The following FHIT variants were observed in gnomAD, a reference collection of about 807,000 sequenced individuals.
The protein encoded by FHIT is fragile histidine triad diadenosine triphosphatase.
FHIT carries 19 observed loss-of-function variants against 17.9 expected under a neutral mutation model. That is an observed-to-expected ratio of 1.06 (90% CI 0.74 to 1.56). The LOEUF is 1.56. Ranked by LOEUF, FHIT falls within the 40% of genes most tolerant of loss-of-function variation. The pLI, the probability that FHIT is intolerant of heterozygous loss-of-function variation, is 0.00. For missense variants in FHIT, 248 were observed against 189.2 expected, an observed-to-expected ratio of 1.31 and a Z score of -1.82; for synonymous variants, 81 against 69.7, an observed-to-expected ratio of 1.16 and a Z score of -0.81.
chr3:60,181,115 C>T (rs922512173), intron 5 of FHIT, among the ~76,000 whole-genome samples: 2 of 150,874 alleles, frequency 1.3e-5, no homozygotes, highest in Admixed American at 6.6e-5. Flanking sequence ...TTACTCTCTA[C>T]AATCATTACA....
At chr3:60,574,197 T>C (rs1553656762) in intron 4 of FHIT, among the ~76,000 whole-genome samples, 1 of 152,104 alleles carries the variant, frequency 6.6e-6, no homozygotes, top group African/African-American at 2.4e-5. Context: ...AGCCAGGAGT[T>C]TGGAAGCTTT....
chr3:61,088,881 C>A (rs72877857), intron 2 of FHIT, among the ~76,000 whole-genome samples: 1,556 of 151,980 alleles, frequency 0.01, 18 homozygotes, highest in African/African-American at 0.034. Context: ...TGGAAAAAAC[C>A]GAAATAAGTA....
intron 3 of FHIT, among the ~76,000 whole-genome samples, chr3:60,929,078 C>T (rs1406248355): frequency 3.3e-5 from 5 of 152,154 alleles, no homozygotes; most frequent in African/African-American, 9.7e-5. Flanking sequence ...AATCAATAAA[C>T]GTAATCCAAC....
chr3:61,005,689 T>A (rs61030628), intron 3 of FHIT, among the ~76,000 whole-genome samples: 1 of 152,170 alleles, frequency 6.6e-6, no homozygotes, highest in South Asian at 2.1e-4. Flanking sequence ...TGGGCCACTA[T>A]GAATTTCGGT....
intron 5 of FHIT, among the ~76,000 whole-genome samples, chr3:60,069,534 T>C (rs1463396779): frequency 1.3e-5 from 2 of 152,334 alleles, no homozygotes; most frequent in East Asian, 3.9e-4. Flanking sequence ...CCTGCTTGTA[T>C]AGCGCTTTTG....
chr3:60,313,455 T>A (rs4679530), intron 5 of FHIT, among the ~76,000 whole-genome samples: 50,423 of 151,904 alleles, frequency 0.33, 9,769 homozygotes, highest in East Asian at 0.72. Context: ...GTGAGCAGGC[T>A]AACGACTAGA....
chr3:60,361,820 G>A (rs1279450991), intron 5 of FHIT, among the ~76,000 whole-genome samples: 4 of 152,138 alleles, frequency 2.6e-5, no homozygotes, highest in Admixed American at 1.3e-4. Flanking sequence ...AGTAAAGGAG[G>A]ATAAATCTTT....
intron 5 of FHIT, among the ~76,000 whole-genome samples, chr3:60,091,653 G>T (rs1703737734): frequency 6.6e-6 from 1 of 152,142 alleles, no homozygotes; most frequent in South Asian, 2.1e-4. Flanking sequence ...GATCATGGGG[G>T]CGGTTTCTCA....
chr3:60,419,969 C>G (rs983208920), intron 5 of FHIT, among the ~76,000 whole-genome samples: 1 of 152,136 alleles, frequency 6.6e-6, no homozygotes, highest in Non-Finnish European at 1.5e-5. Context: ...AATCCCACTA[C>G]AGATGTCAAA....
chr3:60,570,054 T>G (rs548001997), intron 4 of FHIT, among the ~76,000 whole-genome samples: 1 of 152,184 alleles, frequency 6.6e-6, no homozygotes, highest in East Asian at 1.9e-4. Flanking sequence ...AAGCCCAGAC[T>G]ATGCCACAAA....
At chr3:61,019,793 C>T (rs2032311068) in intron 3 of FHIT, among the ~76,000 whole-genome samples, 1 of 152,174 alleles carries the variant, frequency 6.6e-6, no homozygotes. Context: ...CTATTCAAGT[C>T]AGACTACCTA....
chr3:60,174,294 G>C (rs1265903742), intron 5 of FHIT, among the ~76,000 whole-genome samples: 1 of 151,882 alleles, frequency 6.6e-6, no homozygotes, highest in Non-Finnish European at 1.5e-5. Flanking sequence ...AGTGTCCTTG[G>C]GTAAGGGACC....
At chr3:60,608,912 A>G (rs2038693904) in intron 4 of FHIT, among the ~76,000 whole-genome samples, 1 of 152,100 alleles carries the variant, frequency 6.6e-6, no homozygotes, top group Non-Finnish European at 1.5e-5. Flanking sequence ...ATGATTTCCT[A>G]CTTAAAACGG....
intron 4 of FHIT, among the ~76,000 whole-genome samples, chr3:60,716,826 A>G (rs1577109561): frequency 1.3e-5 from 2 of 152,206 alleles, no homozygotes; most frequent in Non-Finnish European, 2.9e-5. Context: ...ATATTAGCAC[A>G]CTACAATGTC....
At chr3:60,022,176 T>G (rs1700577031) in intron 5 of FHIT, among the ~76,000 whole-genome samples, 1 of 150,852 alleles carries the variant, frequency 6.6e-6, no homozygotes, top group South Asian at 2.1e-4. Context: ...GAGGCCTGAG[T>G]AATTTTTCTG....
intron 4 of FHIT, among the ~76,000 whole-genome samples, chr3:60,772,517 TG>T (rs1385038161): frequency 2.4e-4 from 36 of 152,132 alleles, no homozygotes; most frequent in African/African-American, 8.7e-4. Flanking sequence ...CGGGGAGATC[TG>T]ATCTAGCCCA....
intron 3 of FHIT, among the ~76,000 whole-genome samples, chr3:60,919,196 C>T (rs540297008): frequency 6.6e-6 from 1 of 152,236 alleles, no homozygotes; most frequent in East Asian, 1.9e-4. Flanking sequence ...CTGTGGTTTC[C>T]CAATTTGCAA....
chr3:60,444,196 A>G (rs2031148503), intron 5 of FHIT, among the ~76,000 whole-genome samples: 2 of 152,166 alleles, frequency 1.3e-5, no homozygotes, highest in Non-Finnish European at 2.9e-5. Flanking sequence ...AGGAAACAAC[A>G]GGTGCTGGAG....
chr3:61,198,661 CT>C (rs2038924193), intron 2 of FHIT, among the ~76,000 whole-genome samples: 4 of 152,044 alleles, frequency 2.6e-5, no homozygotes, highest in African/African-American at 9.7e-5. Context: ...GGTAGTTTTC[CT>C]AATACCTACA....
Sources: allele counts gnomAD v4.1 joint callset (sites outside exome capture counted in the v4.1 genomes callset), GRCh38; gene constraint gnomAD v4.1.1; transcripts MANE v1.5; gene names NCBI Gene and HGNC (gene_info 2026-07-23, HGNC 2026-07-21).